CMTR1: variants seen among roughly 807,000 people sequenced by gnomAD.
The protein encoded by CMTR1 is cap-specific mRNA (nucleoside-2'-O-)-methyltransferase 1.
A neutral mutation model predicts 107.0 loss-of-function variants in CMTR1; 39 were observed. That is an observed-to-expected ratio of 0.36 (90% CI 0.28 to 0.48). The LOEUF (loss-of-function observed/expected upper bound fraction) is 0.48. Among genes scored for constraint, CMTR1 ranks in the 20% least tolerant of loss-of-function variants. The pLI, the probability that CMTR1 is intolerant of heterozygous loss-of-function variation, is 0.99. For synonymous variants in CMTR1, 366 were observed against 379.5 expected (o/e 0.96, Z 0.41); for missense variants, 672 against 1,064.9 (o/e 0.63, Z 5.14).
rs1761735726 is a variant in CMTR1, at chr6:37,476,300, G to A, written c.2105+106G>A. The A allele has an allele frequency of 3.4e-6, 4 of 1,174,904 alleles. No individual in the cohort carries two copies. The East Asian group carries it at 9.4e-5, about 28-fold the overall frequency. The allele number at this position is 1,174,904 out of a possible 1,614,324, so 72.8% of individuals were successfully genotyped here. On this transcript the variant is annotated intron_variant, in intron 20 of 23. Transcript: ENST00000373451. ...AGTGGAGGGCACTAGGCAAGTGGGT[G>A]TTAGAGACAAGACCATTCTTGCCAT...
In CMTR1 at chr6:37,481,128, A is replaced by G. The variant is rs1290055157; in HGVS notation, c.*983A>G. On this transcript the variant is annotated 3_prime_UTR_variant, in exon 24 of 24. Coordinates refer to ENST00000373451, the MANE Select transcript of CMTR1 (RefSeq NM_015050.3). ...CTTTTTCTTCCCTAATAGGAGGTAC[A>G]ATCTGCTTTTGTTTGTCGTTAAGTG... is the stretch of plus-strand genomic sequence containing the variant. 2.8e-5 allele frequency: 37 copies of G among 1,304,042 alleles called. No homozygotes were observed. Among genetic ancestry groups the G allele is most frequent in the Non-Finnish European group, 3.1e-5 (31 of 988,946 alleles). 80.8% of individuals were successfully genotyped at this position (1,304,042 alleles called of 1,614,324 possible). A position where few individuals can be genotyped will look rare whatever the true frequency, so the allele number is the denominator to read the frequency against.
intron 2 of CMTR1, among the ~76,000 whole-genome samples, chr6:37,435,995 C>T (rs1771520872): frequency 6.6e-6 from 1 of 152,180 alleles, no homozygotes; most frequent in Admixed American, 6.5e-5. Flanking sequence ...AAGTTGCTTT[C>T]TGTTGGTTGT....
intron 13 of CMTR1, among the ~76,000 whole-genome samples, chr6:37,468,622 G>A (rs1159927727): frequency 1.2e-4 from 19 of 152,228 alleles, no homozygotes; most frequent in Admixed American, 1.0e-3. Flanking sequence ...GGTGGCTCAC[G>A]CCTGTAATCC....
At chr6:37,466,923 C>G (rs1281429933) in intron 13 of CMTR1, among the ~76,000 whole-genome samples, 1 of 152,146 alleles carries the variant, frequency 6.6e-6, no homozygotes. Flanking sequence ...GTAATCCCAG[C>G]CCTTTGGGAG....
Position 37,456,091 on chromosome 6 carries a change from C to T in CMTR1, c.778-2521C>T, listed in dbSNP as rs142152202. ...GCCCCCTTTGCAGGGGTGAGGTGTT[C>T]GCATCGATCATTCCGCATCCTTCTC... On this transcript the variant is annotated intron_variant, in intron 8 of 23. Transcript: ENST00000373451. Among the ~76,000 whole-genome samples, 291 of 152,322 alleles carry T rather than the reference C, an allele frequency of 1.9e-3. 1 individual carries two copies. Among genetic ancestry groups the T allele is most frequent in the African/African-American group, 6.5e-3 (271 of 41,570 alleles).
chr6:37,480,429 G>T lies in CMTR1; in HGVS notation c.*284G>T. 2.4e-6 allele frequency: 3 copies of T among 1,253,054 alleles called. No individual in the cohort carries two copies. Among genetic ancestry groups the T allele is most frequent in the Non-Finnish European group, 3.0e-6 (3 of 998,132 alleles). The allele number at this position is 1,253,054 out of a possible 1,614,324, so 77.6% of individuals were successfully genotyped here. A position where few individuals can be genotyped will look rare whatever the true frequency, so the allele number is the denominator to read the frequency against. On this transcript the variant is annotated 3_prime_UTR_variant, in exon 24 of 24. Transcript: ENST00000373451. Reference sequence around the variant, plus strand: ...GGCAGGTATGAGGTCAGTGCCTAGGGCACGTGGGACTGATGGAGGACATAT... The same window carrying T: ...GGCAGGTATGAGGTCAGTGCCTAGGTCACGTGGGACTGATGGAGGACATAT...
At chr6:37,449,855 C>A (rs1771893932) in intron 4 of CMTR1, among the ~76,000 whole-genome samples, 1 of 152,170 alleles carries the variant, frequency 6.6e-6, no homozygotes, top group Non-Finnish European at 1.5e-5. Context: ...TTGTCATAGA[C>A]CTACATTGTA....
At chr6:37,435,599 T>C in intron 1 of CMTR1, 25 bp from the exon 2 acceptor site, 1 of 1,589,160 alleles carries the variant, frequency 6.3e-7, no homozygotes, top group Admixed American at 1.8e-5. Context: ...CAAGGGCAGC[T>C]GACTGACTGG....
chr6:37,465,881 T>TA (rs1321333020), intron 13 of CMTR1, among the ~76,000 whole-genome samples: 1 of 152,098 alleles, frequency 6.6e-6, no homozygotes, highest in African/African-American at 2.4e-5. Flanking sequence ...TTCTGGATAT[T>TA]AATCACTTGT....
At chr6:37,453,487 G>A (rs1460412252) in intron 8 of CMTR1, among the ~76,000 whole-genome samples, 175 bp downstream of exon 8, 1 of 152,182 alleles carries the variant, frequency 6.6e-6, no homozygotes, top group Non-Finnish European at 1.5e-5. Flanking sequence ...CAGGAGTGAA[G>A]CAGTTGTCTT....
chr6:37,438,517 G>A (rs1373218341), intron 2 of CMTR1, among the ~76,000 whole-genome samples: 2 of 152,180 alleles, frequency 1.3e-5, no homozygotes, highest in East Asian at 1.9e-4. Context: ...ATTTCCCTAG[G>A]TTAATTTATT....
rs976703978 is a variant in CMTR1 at position 37,458,080 on chromosome 6, G to C, written c.778-532G>C. Among the ~76,000 whole-genome samples the C allele has an allele frequency of 2.0e-5, 3 of 152,060 alleles. No individual in the cohort carries two copies. The highest frequency in any genetic ancestry group is 4.4e-5 in the Non-Finnish European group (3 of 67,982). On this transcript the variant is annotated intron_variant, in intron 8 of 23. Transcript: ENST00000373451. The surrounding 1 kb of genome is among the most constrained non-coding windows in gnomAD (Gnocchi z 4.7). ...TTTTTTGTTGTTTTTGTTGAGACAG[G>C]GTCTCGGTCTGTCGCCCAGGCTCAA... is the stretch of plus-strand genomic sequence containing the variant.
intron 20 of CMTR1, among the ~76,000 whole-genome samples, chr6:37,477,036 C>T (rs1761753411): frequency 6.6e-6 from 1 of 152,170 alleles, no homozygotes; most frequent in Non-Finnish European, 1.5e-5. Context: ...TTTCTGGGAA[C>T]GTTCCCCACT....
chr6:37,478,570 C>T (rs1238751507), intron 22 of CMTR1, 49 bp downstream of exon 22: 3 of 1,480,624 alleles, frequency 2.0e-6, no homozygotes, highest in African/African-American at 2.8e-5. Flanking sequence ...CTCCCCTCTC[C>T]TCGCCAGGTG....
Position 37,451,810 on chromosome 6 carries a change from A to G in CMTR1, c.542A>G (p.Lys181Arg). Residue 181 changes from lysine (K) to arginine (R), a missense_variant, in exon 6 of 24, where the codon AAG (lysine) becomes AGG (arginine). Lys to Arg is a conservative substitution (Grantham distance 26). This residue lies in a region of CMTR1 where 583 missense variants were observed against 968.4 expected (regional missense o/e 0.60). Coordinates refer to ENST00000373451, the MANE Select transcript of CMTR1 (RefSeq NM_015050.3). Reference protein sequence around the residue: ...MSDWMVVGKRKMIIEDETEFC... With the variant: ...MSDWMVVGKRRMIIEDETEFC... ...ACTGCTTTTTTCTCCCTGTAGAGAA[A>G]GATGATTATTGAAGATGAAACAGAG... 1 of 1,613,058 alleles carries G rather than the reference A, an allele frequency of 6.2e-7. No individual in the cohort carries two copies. The highest frequency in any genetic ancestry group is 1.1e-5 in the South Asian group (1 of 91,048).
Position 37,480,996 on chromosome 6 carries a change from G to A in CMTR1, c.*851G>A, listed in dbSNP as rs569084033. 1.5e-6 allele frequency: 2 copies of A among 1,299,932 alleles called. No individual in the cohort carries two copies. Among genetic ancestry groups the A allele is most frequent in the East Asian group, 5.6e-5 (1 of 18,012 alleles). 80.5% of individuals were successfully genotyped at this position (1,299,932 alleles called of 1,614,324 possible). ...ACAAAGGGTACCTCCAGGGGTTTGG[G>A]TAGCGCTGCCCTCTGGCAGTCATGC... On this transcript the variant is annotated 3_prime_UTR_variant, in exon 24 of 24. Coordinates refer to ENST00000373451, the MANE Select transcript of CMTR1 (RefSeq NM_015050.3).
At chr6:37,430,815 C>T (rs577722697), upstream of CMTR1, among the ~76,000 whole-genome samples, 1 of 152,074 alleles carries the variant, frequency 6.6e-6, no homozygotes, top group Admixed American at 6.5e-5. Flanking sequence ...GAGATCAAGA[C>T]CATCCTGGCT....
chr6:37,429,102 C>T (rs1771331234), upstream of CMTR1, among the ~76,000 whole-genome samples: 1 of 151,806 alleles, frequency 6.6e-6, no homozygotes, highest in Non-Finnish European at 1.5e-5. Context: ...CTTTTTTTTC[C>T]CATTTGTTTT....
upstream of CMTR1, among the ~76,000 whole-genome samples, chr6:37,431,674 C>CT (rs1372145188): frequency 6.6e-6 from 1 of 152,150 alleles, no homozygotes; most frequent in Non-Finnish European, 1.5e-5. Flanking sequence ...GTCTCCCAAC[C>CT]TAGATTTGTG....
Sources: gnomAD v4.1 joint callset for allele counts (sites outside exome capture counted in the v4.1 genomes callset) on GRCh38, gnomAD v4.1.1 for gene constraint, gnomAD v4.1.1 regional missense constraint, Gnocchi (gnomAD v3.1) non-coding constraint, MANE v1.5 for transcripts, NCBI Gene and HGNC (gene_info 2026-07-23, HGNC 2026-07-21) for gene names.